EPHX2: variants seen among roughly 807,000 people sequenced by gnomAD.
The protein encoded by EPHX2 is epoxide hydrolase 2, also known as bifunctional epoxide hydrolase 2.
In EPHX2, 74 loss-of-function variants were observed where a neutral mutation model predicts 78.7. The observed-to-expected ratio is 0.94, with a 90% CI of 0.78 to 1.14. EPHX2 has a LOEUF of 1.14. Among genes scored for constraint, EPHX2 ranks in the 50% most tolerant of loss-of-function variants. The pLI is 0.00. For synonymous variants in EPHX2, 251 were observed against 255.2 expected (o/e 0.98, Z 0.16); for missense variants, 715 against 702.5 (o/e 1.02, Z -0.20).
chr8:27,536,275 T>C (rs1231221603), intron 12 of EPHX2, among the ~76,000 whole-genome samples: 1 of 152,226 alleles, frequency 6.6e-6, no homozygotes, highest in Non-Finnish European at 1.5e-5. Flanking sequence ...AAAAATTGTT[T>C]AAGTTTCTTT....
chr8:27,520,220 C>T (rs750475380), intron 9 of EPHX2, among the ~76,000 whole-genome samples: 10 of 151,422 alleles, frequency 6.6e-5, no homozygotes, highest in Non-Finnish European at 1.2e-4. Flanking sequence ...GGCTAGAGTG[C>T]AGTGGTGCGA....
intron 1 of EPHX2, among the ~76,000 whole-genome samples, chr8:27,497,469 A>G (rs1182670721): frequency 6.6e-6 from 1 of 152,218 alleles, no homozygotes; most frequent in Admixed American, 6.5e-5. Flanking sequence ...TGTGAGGGAC[A>G]TGACTAAGGC....
At chr8:27,517,147 C>T (rs1814486482) in intron 8 of EPHX2, among the ~76,000 whole-genome samples, 1 of 152,056 alleles carries the variant, frequency 6.6e-6, no homozygotes, top group Non-Finnish European at 1.5e-5. Flanking sequence ...GTTCTTGTAA[C>T]TTTTCATGAA....
intron 9 of EPHX2, among the ~76,000 whole-genome samples, chr8:27,520,538 G>C (rs1289331191): frequency 6.6e-6 from 1 of 151,898 alleles, no homozygotes; most frequent in Admixed American, 6.6e-5. Context: ...GTAGAGATGG[G>C]GTTTCACCAT....
At chr8:27,535,649 C>T (rs1257822723) in intron 12 of EPHX2, among the ~76,000 whole-genome samples, 1 of 152,146 alleles carries the variant, frequency 6.6e-6, no homozygotes. Context: ...AACCAGGCTA[C>T]CCCCACTAGG....
chr8:27,522,381 G>A (rs1178876997), intron 10 of EPHX2, 42 bp from the exon 11 acceptor site: 2 of 1,604,980 alleles, frequency 1.2e-6, no homozygotes, highest in African/African-American at 2.7e-5. Context: ...CCCCGTTCCA[G>A]AAGCCTCCCC....
chr8:27,543,768 T>C lies in EPHX2; in HGVS notation c.1469T>C (p.Met490Thr). Residue 490 changes from methionine to threonine, a missense_variant, in exon 17 of 19, where the codon ATG becomes ACG. Coordinates refer to ENST00000521400, the MANE Select transcript of EPHX2 (RefSeq NM_001979.6). ...LGRKILIPAL[M>T]VTAEKDFVLV... ...CCCCAGATCCTGATTCCGGCCCTGA[T>C]GGTCACGGCGGAGAAGGACTTCGTG... The C allele has an allele frequency of 6.2e-7, 1 of 1,614,094 alleles. No homozygotes were observed. The highest frequency in any genetic ancestry group is 8.5e-7 in the Non-Finnish European group (1 of 1,180,000).
At chr8:27,544,369 G>T in intron 18 of EPHX2, 75 bp from the exon 19 acceptor site, 2 of 1,597,456 alleles carry the variant, frequency 1.3e-6, no homozygotes, top group Non-Finnish European at 1.7e-6. Context: ...ACTCACCTCT[G>T]CCTTCGAGTT....
At chr8:27,541,211 G>A (rs1179220373) in intron 15 of EPHX2, among the ~76,000 whole-genome samples, 3 of 152,140 alleles carry the variant, frequency 2.0e-5, no homozygotes, top group Non-Finnish European at 2.9e-5. Context: ...CTGTAGGGCC[G>A]GCTTCTTTGT....
At chr8:27,507,190 C>A (rs892108058) in intron 5 of EPHX2, among the ~76,000 whole-genome samples, 196 bp downstream of exon 5, 2 of 152,210 alleles carry the variant, frequency 1.3e-5, no homozygotes, top group African/African-American at 4.8e-5. Flanking sequence ...TCTCTGCAGT[C>A]AGTGAACAGG....
At chr8:27,528,810 A>ATTC (rs1563357468) in intron 12 of EPHX2, among the ~76,000 whole-genome samples, 1 of 152,000 alleles carries the variant, frequency 6.6e-6, no homozygotes, top group Non-Finnish European at 1.5e-5. Context: ...TATTATTATT[A>ATTC]TTTGAGACAG....
intron 12 of EPHX2, among the ~76,000 whole-genome samples, chr8:27,526,396 C>T (rs1814848068): frequency 6.6e-6 from 1 of 152,272 alleles, no homozygotes; most frequent in Non-Finnish European, 1.5e-5. Context: ...ATCCCACATA[C>T]TACAGGGAGG....
At chr8:27,524,445 T>G (rs549349460) in intron 11 of EPHX2, among the ~76,000 whole-genome samples, 20 of 152,282 alleles carry the variant, frequency 1.3e-4, no homozygotes, top group African/African-American at 4.6e-4. Context: ...CCCTCCCTTC[T>G]TCTGAGACGC....
chr8:27,502,240 G>GT (rs1813827359), intron 2 of EPHX2, among the ~76,000 whole-genome samples: 1 of 152,220 alleles, frequency 6.6e-6, no homozygotes, highest in Admixed American at 6.5e-5. Flanking sequence ...GTATGAGTGA[G>GT]ACTCATCGTT....
intron 2 of EPHX2, 56 bp from the exon 3 acceptor site, chr8:27,503,548 C>T (rs1212070667): frequency 1.9e-6 from 3 of 1,538,982 alleles, no homozygotes; most frequent in Non-Finnish European, 2.6e-6. Context: ...TTAGTAGACC[C>T]TGCCAGAGCT....
intron 11 of EPHX2, among the ~76,000 whole-genome samples, chr8:27,524,449 G>C (rs1814754801): frequency 6.6e-6 from 1 of 152,066 alleles, no homozygotes; most frequent in Non-Finnish European, 1.5e-5. Flanking sequence ...CCCTTCTTCT[G>C]AGACGCCCTC....
intron 9 of EPHX2, among the ~76,000 whole-genome samples, chr8:27,519,987 TCTC>T (rs1814589590): frequency 6.6e-6 from 1 of 151,318 alleles, no homozygotes; most frequent in African/African-American, 2.4e-5. Flanking sequence ...TGTGTCCTAA[TCTC>T]CTCCTCTTTT....
chr8:27,501,324 T>TTTCTTCTTC (rs796293855), intron 2 of EPHX2, among the ~76,000 whole-genome samples: 5,468 of 102,886 alleles, frequency 0.053, 276 homozygotes, highest in Non-Finnish European at 0.069. Flanking sequence ...TGCTATATAT[T>TTTCTTCTTC]TTCTTCTTCT....
intron 9 of EPHX2, 82 bp from the exon 10 acceptor site, chr8:27,520,801 G>A: frequency 6.4e-7 from 1 of 1,557,846 alleles, no homozygotes. Flanking sequence ...CAGTTTTGGG[G>A]AGGACGCAGT....
Sources: gnomAD v4.1 joint callset for allele counts (sites outside exome capture counted in the v4.1 genomes callset) on GRCh38, gnomAD v4.1.1 for gene constraint, MANE v1.5 for transcripts, NCBI Gene and HGNC (gene_info 2026-07-23, HGNC 2026-07-21) for gene names.